The following NHSL1 variants were observed in gnomAD, a reference collection of about 807,000 sequenced individuals.
The protein encoded by NHSL1 is NHS-like protein 1.
NHSL1 carries 48 observed loss-of-function variants against 95.0 expected under a neutral mutation model. The observed-to-expected ratio is 0.51, with a 90% CI of 0.40 to 0.64. The LOEUF (loss-of-function observed/expected upper bound fraction) is 0.64, where lower values mean the gene tolerates loss of function less well. Among genes scored for constraint, NHSL1 ranks in the 30% least tolerant of loss-of-function variants. The probability of loss-of-function intolerance (pLI) is 0.00; values close to 1 mark genes in which losing one functional copy is unlikely to be tolerated. For synonymous variants in NHSL1, 783 were observed against 833.9 expected, an observed-to-expected ratio of 0.94 and a Z score of 1.05; for missense variants, 1,971 against 2,077.7, an observed-to-expected ratio of 0.95 and a Z score of 1.00.
chr6:138,665,324 A>T (rs1785280787), intron 1 of NHSL1, among the ~76,000 whole-genome samples: 1 of 152,202 alleles, frequency 6.6e-6, no homozygotes, highest in South Asian at 2.1e-4. Flanking sequence ...AAATATTCAT[A>T]TTGCCAACAT....
intron 2 of NHSL1, among the ~76,000 whole-genome samples, chr6:138,488,139 A>C (rs779645919): frequency 1.3e-5 from 2 of 152,120 alleles, no homozygotes; most frequent in Non-Finnish European, 2.9e-5. Flanking sequence ...TTAGCTGGGC[A>C]TGGTGGTGCA....
At chr6:138,568,070 G>C (rs1783685976) in intron 1 of NHSL1, among the ~76,000 whole-genome samples, 1 of 152,180 alleles carries the variant, frequency 6.6e-6, no homozygotes, top group African/African-American at 2.4e-5. Flanking sequence ...CTAGTCATTA[G>C]TTTTCCTCAA....
intron 2 of NHSL1, among the ~76,000 whole-genome samples, chr6:138,490,897 A>G (rs185295408): frequency 1.3e-4 from 20 of 152,252 alleles, no homozygotes; most frequent in South Asian, 4.1e-4. Context: ...CTCCCAAAGT[A>G]CTGGGATTAT....
At chr6:138,523,646 A>AAAAAAAAAAAAG (rs1781782595) in intron 1 of NHSL1, among the ~76,000 whole-genome samples, 1 of 150,186 alleles carries the variant, frequency 6.7e-6, no homozygotes. Context: ...AAAAAAAAAA[A>AAAAAAAAAAAAG]AAAAAACAGA....
chr6:138,447,022 CGTCAGCCTG>C lies in NHSL1; in HGVS notation c.502_510del (p.Gln168_Asp170del). 1 of 1,551,656 alleles carries C rather than the reference CGTCAGCCTG, an allele frequency of 6.4e-7. No individual in the cohort carries two copies. Among genetic ancestry groups the C allele is most frequent in the Non-Finnish European group, 8.7e-7 (1 of 1,146,952 alleles). On this transcript the variant is annotated inframe_deletion, in exon 4 of 8. Coordinates refer to ENST00000343505, the MANE Select transcript of NHSL1 (RefSeq NM_001144060.2). ...GTACCAGTTATGTTAATAGGCACCACGTCAGCCTGGACTGTTTGGGCTTGCTGTCGCATC... is the reference window on the plus strand; with the variant it reads ...GTACCAGTTATGTTAATAGGCACCACGACTGTTTGGGCTTGCTGTCGCATC...
intron 1 of NHSL1, among the ~76,000 whole-genome samples, chr6:138,652,404 C>T (rs1267986527): frequency 6.7e-6 from 1 of 148,250 alleles, no homozygotes; most frequent in Non-Finnish European, 1.5e-5. Flanking sequence ...CGCGCCATTA[C>T]ACTCCAGCCT....
intron 3 of NHSL1, among the ~76,000 whole-genome samples, chr6:138,455,786 T>G (rs1562288386): frequency 6.6e-6 from 1 of 152,006 alleles, no homozygotes; most frequent in Non-Finnish European, 1.5e-5. Flanking sequence ...GTGCCACACC[T>G]AGATAACCTG....
At chr6:138,477,271 TTTTA>T (rs1779134677) in intron 2 of NHSL1, among the ~76,000 whole-genome samples, 1 of 152,210 alleles carries the variant, frequency 6.6e-6, no homozygotes, top group Non-Finnish European at 1.5e-5. Context: ...TTCAAAATTG[TTTTA>T]TTTGTTTCAT....
Position 138,653,295 on chromosome 6 carries a change from C to G in NHSL1, c.96+39181G>C, listed in dbSNP as rs539745080. On this transcript the variant is annotated intron_variant, in intron 1 of 3. Transcript: ENST00000491526. ...TCTTGGCCAGGCACGGTGGCTCAAG[C>G]CTGTAATCTCAGCACTTTGGGAGGC... 2.0e-5 allele frequency among the ~76,000 whole-genome samples: 3 copies of G among 152,252 alleles called. No homozygotes were observed. In the South Asian group the frequency reaches 6.2e-4, roughly 32 times the overall value.
At chr6:138,574,462 G>A (rs1783931820), upstream of NHSL1, among the ~76,000 whole-genome samples, 1 of 152,060 alleles carries the variant, frequency 6.6e-6, no homozygotes, top group Non-Finnish European at 1.5e-5. Flanking sequence ...ACTCAAAGGA[G>A]CCATGGAACC....
intron 1 of NHSL1, among the ~76,000 whole-genome samples, chr6:138,561,758 G>A (rs1783420122): frequency 6.6e-6 from 1 of 152,152 alleles, no homozygotes; most frequent in Non-Finnish European, 1.5e-5. Context: ...ATTGGTAGGG[G>A]AAGCACTAGC....
At chr6:138,645,400 C>T (rs79836162) in intron 1 of NHSL1, among the ~76,000 whole-genome samples, 2,579 of 152,082 alleles carry the variant, frequency 0.017, 42 homozygotes, top group Middle Eastern at 0.034. Context: ...TTGTAACCCT[C>T]TCTCTCTCTC....
At chr6:138,669,875 C>CT (rs1312470281) in intron 1 of NHSL1, among the ~76,000 whole-genome samples, 1 of 152,124 alleles carries the variant, frequency 6.6e-6, no homozygotes, top group Non-Finnish European at 1.5e-5. Flanking sequence ...AATCCTAGCA[C>CT]TTTGGGAGGC....
At chr6:138,613,468 G>A (rs746958046) in intron 1 of NHSL1, among the ~76,000 whole-genome samples, 4 of 152,100 alleles carry the variant, frequency 2.6e-5, no homozygotes, top group Non-Finnish European at 4.4e-5. Context: ...TTTTCATTTC[G>A]TCAACATGCA....
intron 3 of NHSL1, among the ~76,000 whole-genome samples, chr6:138,469,066 C>T (rs1010117972): frequency 1.2e-4 from 19 of 152,126 alleles, no homozygotes; most frequent in Admixed American, 1.2e-3. Flanking sequence ...TTTCTGGGTC[C>T]TAAATGACCA....
At chr6:138,466,490 G>A (rs773781874) in intron 3 of NHSL1, among the ~76,000 whole-genome samples, 29 of 152,202 alleles carry the variant, frequency 1.9e-4, no homozygotes, top group Non-Finnish European at 3.4e-4. Flanking sequence ...TCTATGCTGA[G>A]TAAGGCCTAT....
intron 1 of NHSL1, among the ~76,000 whole-genome samples, chr6:138,588,297 T>C (rs550414102): frequency 6.6e-6 from 1 of 152,172 alleles, no homozygotes; most frequent in African/African-American, 2.4e-5. Context: ...ACCCCGCCTC[T>C]ACTAAAAATA....
At chr6:138,547,029 G>A (rs145814989), upstream of NHSL1, among the ~76,000 whole-genome samples, 879 of 152,302 alleles carry the variant, frequency 5.8e-3, 22 homozygotes, top group Admixed American at 0.048. Flanking sequence ...CACAGGACCC[G>A]TTGCTGTTTG....
intron 1 of NHSL1, among the ~76,000 whole-genome samples, chr6:138,525,908 C>T (rs538270423): frequency 2.0e-5 from 3 of 149,614 alleles, no homozygotes; most frequent in Non-Finnish European, 4.5e-5. Context: ...ACCAGCCTGG[C>T]CAACATGGTG....
Sources: allele counts gnomAD v4.1 joint callset (sites outside exome capture counted in the v4.1 genomes callset), GRCh38; gene constraint gnomAD v4.1.1; transcripts MANE v1.5; gene names NCBI Gene and HGNC (gene_info 2026-07-23, HGNC 2026-07-21).